Variants in GPR89B observed in about 807,000 individuals in gnomAD.
The protein encoded by GPR89B is golgi pH regulator B.
In GPR89B, 25 loss-of-function variants were observed where a neutral mutation model predicts 52.4. The ratio of observed to expected loss-of-function variants is 0.48; its 90% CI spans 0.35 to 0.67. The LOEUF is 0.67. Ranked by LOEUF, GPR89B falls within the 30% of genes least tolerant of loss-of-function variation. GPR89B has a pLI of 0.01. For synonymous variants in GPR89B, 52 were observed against 151.2 expected (o/e 0.34, Z 4.81); for missense variants, 146 against 450.2 (o/e 0.32, Z 6.11).
intron 10 of GPR89B, among the ~76,000 whole-genome samples, chr1:147,971,800 G>A (rs1201329342): frequency 3.3e-5 from 5 of 151,806 alleles, no homozygotes; most frequent in African/African-American, 1.2e-4. Flanking sequence ...TTTTTAACAG[G>A]CTTGTTGGGG....
chr1:147,968,376 A>C (rs1657183238), intron 8 of GPR89B: 1 of 453,900 alleles, frequency 2.2e-6, no homozygotes, highest in Admixed American at 2.3e-5. Flanking sequence ...ATGGCATAAG[A>C]CAATCCCATG....
rs782064435 is a variant in GPR89B at position 147,943,467 on chromosome 1, T to G, written c.236T>G (p.Leu79Arg). 9 of 1,612,386 alleles carry G rather than the reference T, an allele frequency of 5.6e-6. No homozygotes were observed. The South Asian group carries it at 9.9e-5, about 18-fold the overall frequency. ...CGTTATTTTCACTGGAAAATGAACCTGTGTGTAATTCTGCTGATCCTGGTT... is the reference window on the plus strand; with the variant it reads ...CGTTATTTTCACTGGAAAATGAACCGGTGTGTAATTCTGCTGATCCTGGTT... ...SSRYFHWKMN[L>R]CVILLILVFM... The change falls in exon 4 of 14, where the codon CTG (leucine) becomes CGG (arginine). Residue 79 changes from leucine to arginine, a missense_variant. By Grantham distance (102) the Leu-to-Arg change is moderately radical. Transcript: ENST00000314163.
At chr1:147,958,706 C>T (rs1571271676) in intron 7 of GPR89B, among the ~76,000 whole-genome samples, 1 of 151,630 alleles carries the variant, frequency 6.6e-6, no homozygotes, top group Non-Finnish European at 1.5e-5. Context: ...CCATTTCATA[C>T]TAATAGTGCT....
chr1:148,005,870 A>G, the GPR89B span, among the ~76,000 whole-genome samples: 1 of 151,870 alleles, frequency 6.6e-6, no homozygotes, highest in South Asian at 2.1e-4. Flanking sequence ...ATAAATTCCA[A>G]TGTACCAACA....
chr1:147,952,411 G>A (rs1558047846), intron 5 of GPR89B, among the ~76,000 whole-genome samples: 1 of 151,588 alleles, frequency 6.6e-6, no homozygotes, highest in Non-Finnish European at 1.5e-5. Flanking sequence ...GAAGAATGGA[G>A]AAGCAGAAGA....
At chr1:147,963,536 T>G (rs1198403388) in intron 7 of GPR89B, among the ~76,000 whole-genome samples, 45 of 151,954 alleles carry the variant, frequency 3.0e-4, no homozygotes, top group African/African-American at 9.9e-4. Context: ...TAAGCAAAAA[T>G]GATGAACATT....
At chr1:147,949,404 TCCC>T in intron 5 of GPR89B, among the ~76,000 whole-genome samples, 1 of 119,408 alleles carries the variant, frequency 8.4e-6, no homozygotes, top group African/African-American at 3.5e-5. Flanking sequence ...CCCCCCCACC[TCCC>T]TCCCGGACGG....
chr1:147,969,983 C>T, intron 10 of GPR89B, 24 bp downstream of exon 10: 1 of 1,241,426 alleles, frequency 8.1e-7, no homozygotes, highest in South Asian at 1.6e-5. Context: ...TTTTAATTAT[C>T]AGAGTTTAGA....
At position 147,949,798 on chromosome 1, in the gene GPR89B, C is replaced by A. The variant is rs1655417472; in HGVS notation, c.416-3547C>A. Among the ~76,000 whole-genome samples, 3 of 143,310 alleles carry A rather than the reference C, an allele frequency of 2.1e-5. No homozygotes were observed. In the South Asian group the frequency reaches 6.5e-4, roughly 31 times the overall value. 94.0% of individuals were successfully genotyped at this position (143,310 alleles called of 152,430 possible). ...GAGAGACGGCTGGCCGGGCAGGGGGCTGACCCCCCGACCTCCCTCCCGGAC... is the reference window on the plus strand; with the variant it reads ...GAGAGACGGCTGGCCGGGCAGGGGGATGACCCCCCGACCTCCCTCCCGGAC... On this transcript the variant is annotated intron_variant, in intron 5 of 13. Coordinates refer to ENST00000314163, the MANE Select transcript of GPR89B (RefSeq NM_016334.5).
chr1:148,016,996 T>TCTTGCTTGCTTGCTTGCTTG, the GPR89B span, among the ~76,000 whole-genome samples: 2 of 151,066 alleles, frequency 1.3e-5, no homozygotes, highest in African/African-American at 4.9e-5. Flanking sequence ...TTTGGTTTTG[T>TCTTGCTTGCTTGCTTGCTTG]CTTGCTTGCT....
rs587611782 is a variant in GPR89B, at chr1:147,949,568, G to A, written c.416-3777G>A. The stretch of plus-strand genomic sequence containing the variant: ...TCCCGGACGGGGCGGCTGGCCGGGC[G>A]GGGGGCTGACCCCCCCACCTCCCTC... On this transcript the variant is annotated intron_variant, in intron 5 of 13. Coordinates refer to ENST00000314163, the MANE Select transcript of GPR89B (RefSeq NM_016334.5). Among the ~76,000 whole-genome samples the A allele has an allele frequency of 1.1e-3, 96 of 90,076 alleles. 6 individuals are homozygous for A. The highest frequency in any genetic ancestry group is 4.1e-3 in the African/African-American group (85 of 20,610). 59.1% of individuals were successfully genotyped at this position (90,076 alleles called of 152,430 possible).
intron 10 of GPR89B, among the ~76,000 whole-genome samples, chr1:147,982,091 GCT>G (rs1658299028): frequency 6.7e-6 from 1 of 148,656 alleles, no homozygotes; most frequent in Non-Finnish European, 1.5e-5. Context: ...GTGGAGTCTC[GCT>G]CTGTCGCCCA....
At chr1:148,007,306 ACCTTAAGATC>A in the GPR89B span, among the ~76,000 whole-genome samples, 1 of 152,074 alleles carries the variant, frequency 6.6e-6, no homozygotes, top group East Asian at 1.9e-4. Flanking sequence ...CGATCTCCTG[ACCTTAAGATC>A]CGCCTGCCTC....
chr1:147,977,899 G>T (rs1230230118), intron 10 of GPR89B, among the ~76,000 whole-genome samples: 1 of 151,510 alleles, frequency 6.6e-6, no homozygotes, highest in Non-Finnish European at 1.5e-5. Flanking sequence ...GTTTTATCAT[G>T]GTTCTTGGCT....
At chr1:147,978,139 G>A (rs1657974063) in intron 10 of GPR89B, among the ~76,000 whole-genome samples, 2 of 151,378 alleles carry the variant, frequency 1.3e-5, no homozygotes, top group South Asian at 4.2e-4. Flanking sequence ...ATCTACCTTC[G>A]ATTTTTGAGG....
chr1:147,973,716 T>A (rs1657635868), intron 10 of GPR89B, among the ~76,000 whole-genome samples: 1 of 151,940 alleles, frequency 6.6e-6, no homozygotes, highest in African/African-American at 2.4e-5. Context: ...CAATTGCTTT[T>A]GACATTTTTG....
chr1:147,984,189 AG>A (rs1658497615), intron 10 of GPR89B, among the ~76,000 whole-genome samples: 1 of 37,574 alleles, frequency 2.7e-5, no homozygotes, highest in Non-Finnish European at 4.5e-5. Context: ...GGGTGGGGGG[AG>A]GGGGGAGGGA....
At chr1:148,009,289 G>A in the GPR89B span, 29 of 1,471,230 alleles carry the variant, frequency 2.0e-5, no homozygotes, top group Non-Finnish European at 2.6e-5. Context: ...TGTTCTGGAA[G>A]CCTGTTGTCT....
At chr1:147,956,703 A>G (rs1656139020) in intron 7 of GPR89B, among the ~76,000 whole-genome samples, 1 of 151,958 alleles carries the variant, frequency 6.6e-6, no homozygotes, top group African/African-American at 2.4e-5. Flanking sequence ...ACTGGTGTAT[A>G]ATTTTTGTAT....
Sources: allele counts gnomAD v4.1 joint callset (sites outside exome capture counted in the v4.1 genomes callset), GRCh38; gene constraint gnomAD v4.1.1; transcripts MANE v1.5; gene names NCBI Gene and HGNC (gene_info 2026-07-23, HGNC 2026-07-21).